The following NDUFV3 variants were observed in gnomAD, a reference collection of about 807,000 sequenced individuals.
NDUFV3 encodes the protein NADH dehydrogenase [ubiquinone] flavoprotein 3, mitochondrial.
In NDUFV3, 44 loss-of-function variants were observed where a neutral mutation model predicts 37.5. That is an observed-to-expected ratio of 1.17 (90% confidence interval 0.92 to 1.51). The LOEUF (loss-of-function observed/expected upper bound fraction) is 1.51. Ranked by LOEUF, NDUFV3 falls within the 40% of genes most tolerant of loss-of-function variation. The pLI, the probability that NDUFV3 is intolerant of heterozygous loss-of-function variation, is 0.00. For missense variants in NDUFV3, 580 were observed against 580.4 expected (o/e 1.00, Z 0.01); for synonymous variants, 235 against 239.3 (o/e 0.98, Z 0.17).
chr21:42,909,804 C>T lies in NDUFV3; in HGVS notation c.*783C>T, dbSNP rs1055824407. ...AAGTGATTCTCCTGCCTTACTTAGC[C>T]TCTTGAGTAGCTGGTACTACAGGCT... is the stretch of plus-strand genomic sequence containing the variant. On this transcript the variant is annotated 3_prime_UTR_variant, in exon 4 of 4. Transcript: ENST00000354250. The T allele has an allele frequency of 6.6e-6, 1 of 152,202 alleles. No individual in the cohort carries two copies. Among genetic ancestry groups the T allele is most frequent in the Non-Finnish European group, 1.5e-5 (1 of 68,130 alleles). The allele number at this position is 152,202 out of a possible 1,614,324, so 9.4% of individuals were successfully genotyped here.
chr21:42,899,189 G>A lies in NDUFV3; in HGVS notation c.169+2142G>A, dbSNP rs551487553. 5.3e-5 allele frequency among the ~76,000 whole-genome samples: 8 copies of A among 152,248 alleles called. No homozygotes were observed. In the South Asian group the frequency reaches 6.2e-4, roughly 12 times the overall value. On this transcript the variant is annotated intron_variant, in intron 2 of 3. Coordinates refer to ENST00000354250, the MANE Select transcript of NDUFV3 (RefSeq NM_021075.4). ...TGAGACTGGCTGCAGTGGGATACAC[G>A]TAGCTACTGCACACACTGCAGAGAG...
chr21:42,904,278 T>TATA lies in NDUFV3; in HGVS notation c.1264+3_1264+5dup, dbSNP rs1007876518. 5 of 1,589,844 alleles carry TATA rather than the reference T, an allele frequency of 3.1e-6. No individual in the cohort carries two copies. Among genetic ancestry groups the TATA allele is most frequent in the Non-Finnish European group, 4.3e-6 (5 of 1,167,882 alleles). ...GGGACGACCGAGGCGGCACACAGGGTATACCTTGACTCGCGCTCCCAAGTG... is the reference window on the plus strand; with the variant it reads ...GGGACGACCGAGGCGGCACACAGGGTATAATACCTTGACTCGCGCTCCCAAGTG... On this transcript the variant is annotated splice_region_variant and intron_variant, in intron 3 of 3. Transcript: ENST00000354250.
Position 42,893,351 on chromosome 21 carries a change from G to C in NDUFV3, c.18G>C (p.Leu6Phe). The C allele has an allele frequency of 6.5e-7, 1 of 1,538,406 alleles. No homozygotes were observed. The highest frequency in any genetic ancestry group is 8.7e-7 in the Non-Finnish European group (1 of 1,146,402). The change falls in exon 1 of 4, where the codon TTG becomes TTC. Residue 6 changes from leucine (L) to phenylalanine (F), a missense_variant. Leu to Phe is a conservative substitution (Grantham distance 22). Coordinates refer to ENST00000354250, the MANE Select transcript of NDUFV3 (RefSeq NM_021075.4). ...TCACCGCCATGGCTGCCCCGTGTTT[G>C]CTGCGGCAAGGACGAGCCGGGGCGC... MAAPC[L>F]LRQGRAGALK...
chr21:42,897,159 CT>C, intron 2 of NDUFV3, 112 bp downstream of exon 2: 1 of 1,253,766 alleles, frequency 8.0e-7, no homozygotes, highest in Non-Finnish European at 1.1e-6. Context: ...ATGCTTCTTC[CT>C]TTTCAGCAGT....
In NDUFV3 at chr21:42,911,747, C is replaced by G. The variant is rs1481611172; in HGVS notation, c.*2726C>G. ...TCCCCAGTGGTGGTGGTAGGTGTAA[C>G]CATTTTAATGTACCTACAACTTTTC... On this transcript the variant is annotated 3_prime_UTR_variant, in exon 4 of 4. Transcript: ENST00000354250. 1 of 152,082 alleles carries G rather than the reference C, an allele frequency of 6.6e-6. No homozygotes were observed. Among genetic ancestry groups the G allele is most frequent in the Admixed American group, 6.6e-5 (1 of 15,240 alleles). 9.4% of individuals were successfully genotyped at this position (152,082 alleles called of 1,614,324 possible).
Position 42,903,620 on chromosome 21 carries a change from T to C in NDUFV3, c.608T>C (p.Val203Ala), listed in dbSNP as rs2058728049. The C allele has an allele frequency of 6.2e-7, 1 of 1,613,864 alleles. No homozygotes were observed. Among genetic ancestry groups the C allele is most frequent in the East Asian group, 2.2e-5 (1 of 44,862 alleles). The change falls in exon 3 of 4, where the codon GTA (valine) becomes GCA (alanine). Residue 203 changes from valine to alanine, a missense_variant. Val to Ala is a moderately conservative substitution (Grantham distance 64). Transcript: ENST00000354250. ...GAAAACAGAGCCCCCCGAGTTACAG[T>C]ATCAGCAAAAGAGAAAACCTTGCTG... ...SFENRAPRVT[V>A]SAKEKTLLQK... is the part of the protein sequence containing the mutation.
chr21:42,913,075 T>A lies in NDUFV3; in HGVS notation c.*4054T>A, dbSNP rs79864358. 0.068 allele frequency: 10,344 copies of A among 152,066 alleles called. 370 individuals are homozygous for A. The highest frequency in any genetic ancestry group is 0.12 in the East Asian group (626 of 5,170). The allele number at this position is 152,066 out of a possible 1,614,324, so 9.4% of individuals were successfully genotyped here. ...CAAGACTCCGTCTCAAAAAATAAAT[T>A]AATTAATTAAATTAAATAAGTGGGT... On this transcript the variant is annotated 3_prime_UTR_variant, in exon 4 of 4. Coordinates refer to ENST00000354250, the MANE Select transcript of NDUFV3 (RefSeq NM_021075.4).
rs369985760 is a variant in NDUFV3, at chr21:42,897,016, A to G, written c.138A>G (p.Pro46=). The G allele has an allele frequency of 1.5e-5, 24 of 1,614,152 alleles. No individual in the cohort carries two copies. The African/African-American group carries it at 1.9e-4, about 13-fold the overall frequency. ...AESGKSEKGQ[P]QNSKKQSPPK... ...CAGGGAAGAGTGAAAAGGGTCAGCC[A>G]CAGAATTCCAAGAAGCAAAGTCCAC... Residue 46 remains proline, a synonymous_variant, in exon 2 of 4, where the codon CCA becomes CCG. Coordinates refer to ENST00000354250, the MANE Select transcript of NDUFV3 (RefSeq NM_021075.4).
In NDUFV3 at chr21:42,904,331, A is replaced by G. The variant is rs2058732531; in HGVS notation, c.1264+55A>G. The G allele has an allele frequency of 4.5e-6, 7 of 1,550,780 alleles. No individual in the cohort carries two copies. The South Asian group carries it at 7.2e-5, about 16-fold the overall frequency. ...CCCTGTCCCTTAGGGTAGTGAGGCA[A>G]AAGAACTAATTTACATATGCTTGTA... On this transcript the variant is annotated intron_variant, in intron 3 of 3. Coordinates refer to ENST00000354250, the MANE Select transcript of NDUFV3 (RefSeq NM_021075.4).
intron 1 of NDUFV3, 57 bp downstream of exon 1, chr21:42,893,438 G>C: frequency 6.6e-7 from 1 of 1,525,286 alleles, no homozygotes; most frequent in Non-Finnish European, 8.8e-7. Context: ...GTAGGGGATG[G>C]GGTGAGGGGG....
chr21:42,902,832 G>A (rs917341384), intron 2 of NDUFV3, among the ~76,000 whole-genome samples: 13 of 152,110 alleles, frequency 8.5e-5, no homozygotes, highest in Non-Finnish European at 1.6e-4. Flanking sequence ...CTGATATACA[G>A]TGATGCAGTA....
intron 2 of NDUFV3, among the ~76,000 whole-genome samples, chr21:42,901,250 C>T (rs1012267097): frequency 7.2e-5 from 11 of 151,820 alleles, no homozygotes; most frequent in Non-Finnish European, 1.5e-5. Context: ...CCAGCCTGAC[C>T]AACATTGTGA....
At chr21:42,895,230 G>A (rs2058685331) in intron 1 of NDUFV3, among the ~76,000 whole-genome samples, 1 of 151,864 alleles carries the variant, frequency 6.6e-6, no homozygotes, top group Admixed American at 6.6e-5. Flanking sequence ...CACCTGTAAT[G>A]CCAGTACTTT....
At chr21:42,905,246 G>A (rs938831394) in intron 3 of NDUFV3, among the ~76,000 whole-genome samples, 10 of 152,206 alleles carry the variant, frequency 6.6e-5, no homozygotes, top group African/African-American at 2.4e-4. Flanking sequence ...TAAGTGAAAA[G>A]GGGAGCCTCC....
chr21:42,908,118 C>T (rs1286018186), intron 3 of NDUFV3, among the ~76,000 whole-genome samples: 3 of 151,530 alleles, frequency 2.0e-5, no homozygotes, highest in African/African-American at 7.3e-5. Flanking sequence ...ACCACCCTGG[C>T]CAACATGGTG....
At position 42,903,185 on chromosome 21, in the gene NDUFV3, T is replaced by A. The variant is rs1453235147; in HGVS notation, c.173T>A (p.Val58Glu). The change falls in exon 3 of 4, where the codon GTA becomes GAA. Residue 58 changes from valine (V) to glutamate (E), a missense_variant. By Grantham distance (121) the Val-to-Glu change is moderately radical. Coordinates refer to ENST00000354250, the MANE Select transcript of NDUFV3 (RefSeq NM_021075.4). The stretch of plus-strand genomic sequence containing the variant: ...TCCTCTTTATGCCGTTTCCCAGATG[T>A]AGTGGAACCAAAGGAGAGGGGCAAG... ...NSKKQSPPKN[V>E]VEPKERGKLL... 2 of 1,614,154 alleles carry A rather than the reference T, an allele frequency of 1.2e-6. No individual in the cohort carries two copies. Among genetic ancestry groups the A allele is most frequent in the Admixed American group, 1.7e-5 (1 of 60,000 alleles).
chr21:42,900,883 G>A (rs539527064), intron 2 of NDUFV3, among the ~76,000 whole-genome samples: 3 of 152,246 alleles, frequency 2.0e-5, no homozygotes, highest in East Asian at 3.9e-4. Flanking sequence ...AGATATCAGG[G>A]GCTGGATGTT....
In NDUFV3 at chr21:42,909,178, G is replaced by C. The variant is rs2058757538; in HGVS notation, c.*157G>C. 1.3e-6 allele frequency: 1 copy of C among 757,062 alleles called. No individual in the cohort carries two copies. Among genetic ancestry groups the C allele is most frequent in the African/African-American group, 2.1e-5 (1 of 46,942 alleles). 46.9% of individuals were successfully genotyped at this position (757,062 alleles called of 1,614,324 possible). The stretch of plus-strand genomic sequence containing the variant: ...TTTTTTTGAGACAGGGTCTCACTCT[G>C]TCACCCAGGCTGGAGTGCAGTGGCA... On this transcript the variant is annotated 3_prime_UTR_variant, in exon 4 of 4. Coordinates refer to ENST00000354250, the MANE Select transcript of NDUFV3 (RefSeq NM_021075.4).
At chr21:42,894,472 A>ATTATATAT (rs1473020303) in intron 1 of NDUFV3, among the ~76,000 whole-genome samples, 3 of 69,582 alleles carry the variant, frequency 4.3e-5, no homozygotes, top group Non-Finnish European at 7.5e-5. Context: ...ATAAATATAT[A>ATTATATAT]TTATATATTT....
Sources: gnomAD v4.1 joint callset for allele counts (sites outside exome capture counted in the v4.1 genomes callset) on GRCh38, gnomAD v4.1.1 for gene constraint, MANE v1.5 for transcripts, NCBI Gene and HGNC (gene_info 2026-07-23, HGNC 2026-07-21) for gene names.